Variants in MSRA observed in about 807,000 individuals in gnomAD.
MSRA encodes methionine sulfoxide reductase A, also known as mitochondrial peptide methionine sulfoxide reductase.
MSRA carries 54 observed loss-of-function variants against 31.3 expected under a neutral mutation model. That is an observed-to-expected ratio of 1.73 (90% confidence interval 1.39 to 2.17). The LOEUF (loss-of-function observed/expected upper bound fraction) is 2.17. Ranked by LOEUF, MSRA falls within the 30% of genes most tolerant of loss-of-function variation. The pLI, the probability that MSRA is intolerant of heterozygous loss-of-function variation, is 0.00. For missense variants in MSRA, 507 were observed against 300.9 expected, an observed-to-expected ratio of 1.69 and a Z score of -5.07; for synonymous variants, 169 against 116.5, an observed-to-expected ratio of 1.45 and a Z score of -2.90.
At chr8:10,411,344 C>G (rs142599656) in intron 5 of MSRA, 9 of 152,338 alleles carry the variant, frequency 5.9e-5, no homozygotes, top group Middle Eastern at 6.8e-3. Context: ...CTGACAAAAG[C>G]TTCTTTTCTC....
At chr8:10,090,665 C>T (rs535015340) in intron 1 of MSRA, among the ~76,000 whole-genome samples, 5 of 152,170 alleles carry the variant, frequency 3.3e-5, no homozygotes, top group Non-Finnish European at 7.3e-5. Flanking sequence ...AAGGAAACCC[C>T]ATAGTCATTG....
At chr8:10,378,148 G>T (rs888843372) in intron 5 of MSRA, among the ~76,000 whole-genome samples, 1 of 152,224 alleles carries the variant, frequency 6.6e-6, no homozygotes, top group Non-Finnish European at 1.5e-5. Context: ...TGGGGATCAG[G>T]GACCCTGGAT....
intron 1 of MSRA, among the ~76,000 whole-genome samples, chr8:10,072,315 T>C (rs2128918812): frequency 6.6e-6 from 1 of 152,286 alleles, no homozygotes; most frequent in African/African-American, 2.4e-5. Flanking sequence ...ATTTTTTTTT[T>C]TTTTTGTCTA....
At chr8:10,210,420 A>T (rs1381120986) in intron 2 of MSRA, among the ~76,000 whole-genome samples, 1 of 152,244 alleles carries the variant, frequency 6.6e-6, no homozygotes, top group African/African-American at 2.4e-5. Context: ...GGGTCCACAC[A>T]CAAAAGTATG....
chr8:10,419,374 A>G (rs528374369), intron 5 of MSRA, among the ~76,000 whole-genome samples: 1 of 151,248 alleles, frequency 6.6e-6, no homozygotes, highest in Non-Finnish European at 1.5e-5. Flanking sequence ...GTGAATTTGA[A>G]TAAGATCCCT....
chr8:10,120,631 A>T (rs1585193692), intron 1 of MSRA, among the ~76,000 whole-genome samples: 1 of 152,254 alleles, frequency 6.6e-6, no homozygotes, highest in Non-Finnish European at 1.5e-5. Flanking sequence ...TGTGCTCAGG[A>T]TACCCAGATG....
intron 1 of MSRA, among the ~76,000 whole-genome samples, chr8:10,147,642 C>T (rs2129034528): frequency 6.6e-6 from 1 of 152,282 alleles, no homozygotes; most frequent in East Asian, 1.9e-4. Flanking sequence ...CAGTCTGCCA[C>T]CTCTTGATGC....
chr8:10,166,635 T>A (rs138960676), intron 1 of MSRA, among the ~76,000 whole-genome samples: 11 of 152,310 alleles, frequency 7.2e-5, no homozygotes, highest in African/African-American at 2.6e-4. Flanking sequence ...AGCTTTGCAT[T>A]CTGTGGGCTG....
chr8:10,340,154 G>A (rs528049386), intron 5 of MSRA, among the ~76,000 whole-genome samples: 21 of 152,206 alleles, frequency 1.4e-4, no homozygotes, highest in African/African-American at 3.9e-4. Context: ...AGCCACAGCC[G>A]CCCATTCCCA....
chr8:10,150,657 G>C (rs148187996), intron 1 of MSRA, among the ~76,000 whole-genome samples: 105 of 152,228 alleles, frequency 6.9e-4, no homozygotes, highest in Non-Finnish European at 1.2e-3. Context: ...ACAGATATCT[G>C]TGGGTTTGTT....
chr8:10,254,713 C>A (rs1188263861), intron 3 of MSRA, among the ~76,000 whole-genome samples: 14 of 152,214 alleles, frequency 9.2e-5, no homozygotes, highest in Admixed American at 9.2e-4. Flanking sequence ...GAAAATAAAA[C>A]AGGGTTTATG....
chr8:10,137,702 C>T (rs982934976), intron 1 of MSRA, among the ~76,000 whole-genome samples: 2 of 152,026 alleles, frequency 1.3e-5, no homozygotes, highest in East Asian at 3.9e-4. Context: ...ACAAAGTGGG[C>T]AGTGGGAGTG....
At chr8:10,230,442 G>T (rs75257863) in intron 2 of MSRA, among the ~76,000 whole-genome samples, 1 of 152,138 alleles carries the variant, frequency 6.6e-6, no homozygotes, top group Non-Finnish European at 1.5e-5. Flanking sequence ...TTGGCTGATG[G>T]TGGGGTATGG....
chr8:10,081,082 C>T (rs1798270251), intron 1 of MSRA, among the ~76,000 whole-genome samples: 1 of 152,200 alleles, frequency 6.6e-6, no homozygotes, highest in African/African-American at 2.4e-5. Flanking sequence ...GGCAGGGCCA[C>T]AGGCCAAGCC....
At chr8:10,230,707 A>C (rs1811387908) in intron 2 of MSRA, among the ~76,000 whole-genome samples, 2 of 152,222 alleles carry the variant, frequency 1.3e-5, no homozygotes, top group African/African-American at 4.8e-5. Context: ...AGAACATAAA[A>C]ATCACCTGTA....
intron 5 of MSRA, among the ~76,000 whole-genome samples, chr8:10,327,794 G>A (rs1314864908): frequency 2.6e-5 from 4 of 152,070 alleles, no homozygotes; most frequent in Non-Finnish European, 5.9e-5. Context: ...TTAGTCAGGC[G>A]TGGTGGTGGG....
rs192924468 is a variant in MSRA at position 10,426,399 on chromosome 8, A to G, written c.544-1749A>G. ...CAAGATTTCAGGATACCAAGAAGTT[A>G]CTGAAATTGCCAAAAGTCATTGCTG... On this transcript the variant is annotated intron_variant, in intron 5 of 5. Transcript: ENST00000317173. 1.2e-3 allele frequency among the ~76,000 whole-genome samples: 186 copies of G among 152,380 alleles called. 1 individual carries two copies. The highest frequency in any genetic ancestry group is 6.2e-3 in the South Asian group (30 of 4,824).
intron 3 of MSRA, among the ~76,000 whole-genome samples, chr8:10,284,105 T>C (rs1241938711): frequency 2.0e-5 from 3 of 152,092 alleles, no homozygotes; most frequent in Non-Finnish European, 2.9e-5. Flanking sequence ...TGTACTAGTT[T>C]ACATTCCTGC....
At chr8:10,228,589 G>T (rs757472368) in intron 2 of MSRA, among the ~76,000 whole-genome samples, 1 of 152,196 alleles carries the variant, frequency 6.6e-6, no homozygotes, top group South Asian at 2.1e-4. Flanking sequence ...GCAGGCATCC[G>T]TAGTGGTCCA....
Sources: allele counts gnomAD v4.1 joint callset (sites outside exome capture counted in the v4.1 genomes callset), GRCh38; gene constraint gnomAD v4.1.1; transcripts MANE v1.5; gene names NCBI Gene and HGNC (gene_info 2026-07-23, HGNC 2026-07-21).